The following VPS35L variants were observed in gnomAD, a reference collection of about 807,000 sequenced individuals.
VPS35L encodes VPS35 endosomal protein sorting factor like.
A neutral mutation model predicts 133.0 loss-of-function variants in VPS35L; 83 were observed. The ratio of observed to expected loss-of-function variants is 0.62; its 90% CI spans 0.52 to 0.75. The LOEUF is 0.75. Ranked by LOEUF, VPS35L falls within the 30% of genes least tolerant of loss-of-function variation. VPS35L has a pLI of 0.00. For missense variants in VPS35L, 1,083 were observed against 1,206.8 expected, an observed-to-expected ratio of 0.90 and a Z score of 1.52; for synonymous variants, 423 against 449.9, an observed-to-expected ratio of 0.94 and a Z score of 0.76.
chr16:19,695,883 CTTCTTTTATT>C (rs1382561587), intron 29 of VPS35L, among the ~76,000 whole-genome samples: 1 of 150,724 alleles, frequency 6.6e-6, no homozygotes, highest in African/African-American at 2.5e-5. Flanking sequence ...ACATGTTATC[CTTCTTTTATT>C]TTATTTTTTT....
At chr16:19,555,909 C>T (rs1970838445) in intron 1 of VPS35L, among the ~76,000 whole-genome samples, 163 bp downstream of exon 1, 2 of 152,186 alleles carry the variant, frequency 1.3e-5, no homozygotes. Context: ...TACCGCGGTC[C>T]AGCGGAGCAA....
chr16:19,616,946 T>C, intron 14 of VPS35L, 138 bp downstream of exon 14: 1 of 1,282,264 alleles, frequency 7.8e-7, no homozygotes, highest in Non-Finnish European at 1.1e-6. Context: ...TATAGAGGGC[T>C]TGCCATGGTG....
chr16:19,660,902 T>A (rs2151596144), intron 26 of VPS35L, among the ~76,000 whole-genome samples: 1 of 152,280 alleles, frequency 6.6e-6, no homozygotes, highest in East Asian at 1.9e-4. Flanking sequence ...AAGTCTCCAA[T>A]AATATGCTGT....
chr16:19,627,151 C>G (rs111488154), intron 15 of VPS35L, among the ~76,000 whole-genome samples: 1 of 151,652 alleles, frequency 6.6e-6, no homozygotes, highest in African/African-American at 2.4e-5. Context: ...AGCATGGTGG[C>G]GCATGCCTGT....
intron 27 of VPS35L, among the ~76,000 whole-genome samples, chr16:19,674,955 CT>C (rs566657093): frequency 1.1e-3 from 162 of 142,668 alleles, no homozygotes; most frequent in Middle Eastern, 7.1e-3. Flanking sequence ...TCTTTTCTTT[CT>C]TTTTTTTTTT....
At chr16:19,647,745 T>G (rs529691681) in intron 23 of VPS35L, 39 bp from the exon 24 acceptor site, 2 of 1,518,526 alleles carry the variant, frequency 1.3e-6, no homozygotes, top group South Asian at 2.3e-5. Context: ...TCTCTAAAAA[T>G]ACCACTGTCC....
chr16:19,699,569 G>A lies in VPS35L; in HGVS notation c.2714G>A (p.Arg905His), dbSNP rs200464246. The A allele has an allele frequency of 1.7e-5, 27 of 1,614,046 alleles. No individual in the cohort carries two copies. The highest frequency in any genetic ancestry group is 2.2e-5 in the East Asian group (1 of 44,892). Residue 905 changes from arginine to histidine, a missense_variant, in exon 30 of 31, where the codon CGC becomes CAC. Arg to His is a conservative substitution (Grantham distance 29). Transcript: ENST00000417362. The surrounding 1 kb of genome is among the most constrained non-coding windows in gnomAD (Gnocchi z 4.2). ...AGCATCTTGGCCCATGGGGACCTAC[G>A]CAACAACAAGCTCAACCAGCTCTCC... ...FNSILAHGDL[R>H]NNKLNQLSVN... is the part of the protein sequence containing the mutation.
chr16:19,564,894 C>G lies in VPS35L; in HGVS notation c.61C>G (p.Arg21Gly). ...CTACAAAGCTGAATTTGCATCATGCCGACTGGAGGCTGTACCATTGGAGTT... is the reference window on the plus strand; with the variant it reads ...CTACAAAGCTGAATTTGCATCATGCGGACTGGAGGCTGTACCATTGGAGTT... The part of the protein sequence containing the change: ...RNYKAEFASC[R>G]LEAVPLEFGD... The change falls in exon 2 of 31, where the codon CGA (arginine) becomes GGA (glycine). Residue 21 changes from arginine to glycine, a missense_variant. Coordinates refer to ENST00000417362, the MANE Select transcript of VPS35L (RefSeq NM_020314.7). The G allele has an allele frequency of 1.2e-6, 2 of 1,613,486 alleles. No individual in the cohort carries two copies. Among genetic ancestry groups the G allele is most frequent in the Non-Finnish European group, 1.7e-6 (2 of 1,179,582 alleles).
intron 3 of VPS35L, among the ~76,000 whole-genome samples, chr16:19,572,587 A>G (rs958453145): frequency 6.6e-6 from 1 of 152,136 alleles, no homozygotes; most frequent in African/African-American, 2.4e-5. Flanking sequence ...TGACATTCTG[A>G]TAGTTGAAAA....
intron 3 of VPS35L, among the ~76,000 whole-genome samples, chr16:19,569,962 A>G (rs185524783): frequency 2.0e-5 from 3 of 152,304 alleles, no homozygotes; most frequent in African/African-American, 7.2e-5. Context: ...TTGCACAAGT[A>G]ATGCACACGG....
At chr16:19,572,636 G>A (rs1021662571) in intron 3 of VPS35L, among the ~76,000 whole-genome samples, 4 of 152,086 alleles carry the variant, frequency 2.6e-5, no homozygotes, top group African/African-American at 9.7e-5. Context: ...AATTCTTAAT[G>A]AGTTTGAGCA....
chr16:19,692,771 C>T (rs928926973), intron 29 of VPS35L, among the ~76,000 whole-genome samples: 3 of 152,156 alleles, frequency 2.0e-5, no homozygotes, highest in African/African-American at 7.2e-5. Context: ...CCATATTAGC[C>T]AGGCTGGTCT....
chr16:19,627,580 C>G (rs1361425492), intron 15 of VPS35L, 114 bp from the exon 16 acceptor site: 1 of 815,594 alleles, frequency 1.2e-6, no homozygotes, highest in Non-Finnish European at 2.0e-6. Flanking sequence ...TTGTTTTTCC[C>G]CAACCCTACC....
chr16:19,668,453 T>C (rs993284049), intron 26 of VPS35L, among the ~76,000 whole-genome samples: 7 of 152,140 alleles, frequency 4.6e-5, no homozygotes, highest in East Asian at 1.9e-4. Context: ...TGCACACACA[T>C]TCTCTCTCCA....
chr16:19,616,913 C>A, intron 14 of VPS35L, 105 bp downstream of exon 14: 1 of 1,513,584 alleles, frequency 6.6e-7, no homozygotes, highest in Non-Finnish European at 9.1e-7. Flanking sequence ...ACAGCTATAG[C>A]AATGTTAGTG....
intron 7 of VPS35L, among the ~76,000 whole-genome samples, chr16:19,588,210 C>G (rs936436498): frequency 6.9e-6 from 1 of 145,010 alleles, no homozygotes; most frequent in Non-Finnish European, 1.5e-5. Flanking sequence ...GAGACAGAGT[C>G]TTGCTCTGTT....
chr16:19,633,256 A>G lies in VPS35L; in HGVS notation c.1635+84A>G. The G allele has an allele frequency of 1.7e-6, 2 of 1,160,250 alleles. No homozygotes were observed. The highest frequency in any genetic ancestry group is 2.6e-6 in the Non-Finnish European group (2 of 773,522). The allele number at this position is 1,160,250 out of a possible 1,614,324, so 71.9% of individuals were successfully genotyped here. ...ATAGGCGTGTTGTATGGGTCAGGCT[A>G]TAAAGGCACATAATCCTGTGTTTGA... On this transcript the variant is annotated intron_variant, in intron 19 of 30. Transcript: ENST00000417362. The surrounding 1 kb of genome is among the most constrained non-coding windows in gnomAD (Gnocchi z 4.1).
rs141063774 is a variant in VPS35L, at chr16:19,672,333, C to T, written c.2361+3034C>T. 3.9e-5 allele frequency among the ~76,000 whole-genome samples: 6 copies of T among 152,288 alleles called. No individual in the cohort carries two copies. The East Asian group carries it at 1.2e-3, about 29-fold the overall frequency. On this transcript the variant is annotated intron_variant, in intron 27 of 30. Coordinates refer to ENST00000417362, the MANE Select transcript of VPS35L (RefSeq NM_020314.7). Reference sequence around the variant, plus strand: ...CATATTTGAGAAACATCACCCTGAACTTGAGCCATAAAAGTGCCTGAGCTC... The same window carrying T: ...CATATTTGAGAAACATCACCCTGAATTTGAGCCATAAAAGTGCCTGAGCTC...
intron 14 of VPS35L, among the ~76,000 whole-genome samples, chr16:19,618,777 C>T (rs772620392): frequency 1.6e-4 from 24 of 152,098 alleles, no homozygotes; most frequent in Admixed American, 4.6e-4. Flanking sequence ...ACTGTATCTA[C>T]GGTGCTTAGT....
Sources: allele counts gnomAD v4.1 joint callset (sites outside exome capture counted in the v4.1 genomes callset), GRCh38; gene constraint gnomAD v4.1.1; non-coding constraint Gnocchi (gnomAD v3.1); transcripts MANE v1.5; gene names NCBI Gene and HGNC (gene_info 2026-07-23, HGNC 2026-07-21).